The following ARHGEF4 variants were observed in gnomAD, a reference collection of about 807,000 sequenced individuals.
ARHGEF4 encodes the protein APC-stimulated guanine nucleotide exchange factor 1.
In ARHGEF4, 119 loss-of-function variants were observed where a neutral mutation model predicts 162.0. The ratio of observed to expected loss-of-function variants is 0.73; its 90% CI spans 0.63 to 0.86. ARHGEF4 has a LOEUF of 0.86. ARHGEF4 is among the 40% of genes least tolerant of loss of function. ARHGEF4 has a pLI of 0.00. For missense variants in ARHGEF4, 2,488 were observed against 2,456.0 expected, an observed-to-expected ratio of 1.01 and a Z score of -0.28; for synonymous variants, 1,014 against 979.9, an observed-to-expected ratio of 1.03 and a Z score of -0.65.
chr2:130,999,301 C>T (rs370117082), intron 4 of ARHGEF4, among the ~76,000 whole-genome samples: 7 of 151,936 alleles, frequency 4.6e-5, no homozygotes, highest in East Asian at 1.9e-4. Context: ...ACTACAGGCG[C>T]CCGCCACCAC....
chr2:130,974,588 C>T (rs1685575464), intron 4 of ARHGEF4, among the ~76,000 whole-genome samples: 1 of 150,214 alleles, frequency 6.7e-6, no homozygotes, highest in South Asian at 2.1e-4. Flanking sequence ...GCTAGGACTA[C>T]AGTAGGCACA....
intron 4 of ARHGEF4, among the ~76,000 whole-genome samples, chr2:131,008,457 C>T (rs1003320580): frequency 6.6e-6 from 1 of 152,140 alleles, no homozygotes; most frequent in Non-Finnish European, 1.5e-5. Flanking sequence ...ACATCCAGAT[C>T]AAGAAATAGA....
intron 1 of ARHGEF4, among the ~76,000 whole-genome samples, chr2:130,864,058 C>T (rs1298973394): frequency 3.3e-5 from 5 of 151,046 alleles, no homozygotes; most frequent in Admixed American, 6.6e-5. Flanking sequence ...TGGTGGCGGG[C>T]GCCTGTAGTC....
chr2:130,881,343 G>A (rs1050114082), intron 1 of ARHGEF4, among the ~76,000 whole-genome samples: 4 of 152,146 alleles, frequency 2.6e-5, no homozygotes, highest in East Asian at 1.9e-4. Context: ...AGCACTCAAC[G>A]CAGAGCTTGA....
rs999252405 is a variant in ARHGEF4 at position 130,916,395 on chromosome 2, C to A, written c.2449C>A (p.Pro817Thr). The A allele has an allele frequency of 3.6e-5, 55 of 1,529,868 alleles. No homozygotes were observed. Among genetic ancestry groups the A allele is most frequent in the Non-Finnish European group, 4.6e-5 (52 of 1,141,738 alleles). The allele number at this position is 1,529,868 out of a possible 1,614,324, so 94.8% of individuals were successfully genotyped here. Residue 817 changes from proline (P) to threonine (T), a missense_variant, in exon 2 of 14, where the codon CCG (proline) becomes ACG (threonine). Physicochemically the swap from Pro to Thr is conservative, Grantham distance 38. Transcript: ENST00000409359. ...ATESPGGVPA[P>T]TTEGRRWGSS... ...TGAGAGCCCAGGAGGGGTCCCGGCCCCGACCACCGAGGGTCGCCGCTGGGG... is the reference window on the plus strand; with the variant it reads ...TGAGAGCCCAGGAGGGGTCCCGGCCACGACCACCGAGGGTCGCCGCTGGGG...
At chr2:130,962,703 G>A (rs1684699137) in intron 4 of ARHGEF4, among the ~76,000 whole-genome samples, 2 of 152,056 alleles carry the variant, frequency 1.3e-5, no homozygotes, top group South Asian at 4.2e-4. Flanking sequence ...GCTGGAGCAA[G>A]GCATGCACCT....
chr2:130,942,152 CTT>C (rs36087462), intron 3 of ARHGEF4, among the ~76,000 whole-genome samples: 16 of 129,840 alleles, frequency 1.2e-4, no homozygotes, highest in Non-Finnish European at 2.1e-4. Context: ...TTTCTTTTTT[CTT>C]TTTTTTTTTT....
intron 4 of ARHGEF4, among the ~76,000 whole-genome samples, chr2:131,005,776 G>C (rs1419956955): frequency 6.6e-6 from 1 of 152,178 alleles, no homozygotes; most frequent in Non-Finnish European, 1.5e-5. Flanking sequence ...GACCCGTGGT[G>C]CTGGGCAGCT....
intron 1 of ARHGEF4, among the ~76,000 whole-genome samples, chr2:130,851,992 G>A (rs978558412): frequency 6.6e-6 from 1 of 152,248 alleles, no homozygotes; most frequent in Non-Finnish European, 1.5e-5. Context: ...ATTAAATAAT[G>A]TCTAAAAGGC....
Position 130,914,688 on chromosome 2 carries a change from G to A in ARHGEF4, c.742G>A (p.Ala248Thr). Residue 248 changes from alanine to threonine, a missense_variant, in exon 2 of 14, where the codon GCC becomes ACC. Coordinates refer to ENST00000409359, the MANE Select transcript of ARHGEF4 (RefSeq NM_001367493.1). The stretch of plus-strand genomic sequence containing the variant: ...GAGTTGGCCACATATCCACAACAGG[G>A]CCAGGGCACTGGTGCTACCTAGCAG... Reference protein sequence around the residue: ...GRSWPHIHNRARALVLPSRGP... With the variant: ...GRSWPHIHNRTRALVLPSRGP... The A allele has an allele frequency of 7.2e-7, 1 of 1,394,090 alleles. No individual in the cohort carries two copies. The highest frequency in any genetic ancestry group is 9.3e-7 in the Non-Finnish European group (1 of 1,080,660). 86.4% of individuals were successfully genotyped at this position (1,394,090 alleles called of 1,614,324 possible). A position where few individuals can be genotyped will look rare whatever the true frequency, so the allele number is the denominator to read the frequency against.
intron 1 of ARHGEF4, among the ~76,000 whole-genome samples, chr2:130,907,567 A>G (rs927385806): frequency 1.3e-5 from 2 of 152,040 alleles, no homozygotes; most frequent in African/African-American, 4.8e-5. Context: ...ATATGGATGC[A>G]TGGTTAATTT....
intron 11 of ARHGEF4, 161 bp downstream of exon 11, chr2:131,043,744 G>A: frequency 1.1e-6 from 1 of 920,336 alleles, no homozygotes; most frequent in African/African-American, 1.7e-5. Flanking sequence ...CTGCAGGTGA[G>A]CCTGGTGGCC....
At chr2:131,025,809 C>A (rs1054080108) in intron 4 of ARHGEF4, among the ~76,000 whole-genome samples, 2 of 152,088 alleles carry the variant, frequency 1.3e-5, no homozygotes, top group Non-Finnish European at 1.5e-5. Flanking sequence ...AGATAAGAGT[C>A]ATGGATGGGA....
rs575872031 is a variant in ARHGEF4, at chr2:130,840,131, A to G, written c.39+3139A>G. On this transcript the variant is annotated intron_variant, in intron 1 of 13. Coordinates refer to ENST00000409359, the MANE Select transcript of ARHGEF4 (RefSeq NM_001367493.1). Reference sequence around the variant, plus strand: ...CATAGGCACACACACACAGGCATACATAGGTATACATATGGGCACACACAC... The same window carrying G: ...CATAGGCACACACACACAGGCATACGTAGGTATACATATGGGCACACACAC... Among the ~76,000 whole-genome samples the G allele has an allele frequency of 9.9e-5, 15 of 152,172 alleles. No individual in the cohort carries two copies. In the East Asian group the frequency reaches 2.9e-3, roughly 29 times the overall value.
At chr2:130,893,997 G>C (rs1025002461) in intron 1 of ARHGEF4, among the ~76,000 whole-genome samples, 1 of 152,238 alleles carries the variant, frequency 6.6e-6, no homozygotes, top group Non-Finnish European at 1.5e-5. Flanking sequence ...CCTTCCCCCA[G>C]GGTCTGAAGG....
intron 1 of ARHGEF4, among the ~76,000 whole-genome samples, chr2:130,842,980 A>G (rs949957982): frequency 1.3e-5 from 2 of 152,104 alleles, no homozygotes; most frequent in African/African-American, 4.8e-5. Flanking sequence ...TCTGCTGACA[A>G]CACCCTCTAG....
At chr2:130,974,085 C>T (rs1165470195) in intron 4 of ARHGEF4, among the ~76,000 whole-genome samples, 1 of 150,120 alleles carries the variant, frequency 6.7e-6, no homozygotes, top group South Asian at 2.1e-4. Flanking sequence ...GCCTGGGCAA[C>T]ATGGCAAAAC....
At chr2:130,945,901 A>G (rs2105147198) in intron 3 of ARHGEF4, among the ~76,000 whole-genome samples, 1 of 152,356 alleles carries the variant, frequency 6.6e-6, no homozygotes, top group Non-Finnish European at 1.5e-5. Context: ...ATAAAAAAGC[A>G]AAAAGTAAGG....
chr2:130,914,928 T>C lies in ARHGEF4; in HGVS notation c.982T>C (p.Cys328Arg), dbSNP rs1376574865. The change falls in exon 2 of 14, where the codon TGT becomes CGT. Residue 328 changes from cysteine to arginine, a missense_variant. Physicochemically the swap from Cys to Arg is radical, Grantham distance 180. This residue lies in a region of ARHGEF4 where 1,642 missense variants were observed against 1,481.5 expected (regional missense o/e 1.11). Transcript: ENST00000409359. ...GAACAGGGCATCCCCCAGACTCAACTGTGGGCACATGAGGGCACTGGTCAG... is the reference window on the plus strand; with the variant it reads ...GAACAGGGCATCCCCCAGACTCAACCGTGGGCACATGAGGGCACTGGTCAG... ...DKNRASPRLN[C>R]GHMRALVRAH... is the part of the protein sequence containing the mutation. The C allele has an allele frequency of 3.9e-6, 6 of 1,538,744 alleles. No individual in the cohort carries two copies. Among genetic ancestry groups the C allele is most frequent in the Non-Finnish European group, 5.3e-6 (6 of 1,140,220 alleles).
Sources: allele counts gnomAD v4.1 joint callset (sites outside exome capture counted in the v4.1 genomes callset), GRCh38; gene constraint gnomAD v4.1.1; regional missense constraint gnomAD v4.1.1; transcripts MANE v1.5; gene names NCBI Gene and HGNC (gene_info 2026-07-23, HGNC 2026-07-21).